Variants in TBL1X observed in about 807,000 individuals in gnomAD.
TBL1X encodes the protein F-box-like/WD repeat-containing protein TBL1X.
TBL1X carries 10 observed loss-of-function variants against 50.7 expected under a neutral mutation model. The observed-to-expected ratio is 0.20, with a 90% confidence interval of 0.12 to 0.33. The LOEUF (loss-of-function observed/expected upper bound fraction) is 0.33, where lower values mean the gene tolerates loss of function less well. Among genes scored for constraint, TBL1X ranks in the 10% least tolerant of loss-of-function variants. The pLI is 1.00. For missense variants in TBL1X, 340 were observed against 504.4 expected, an observed-to-expected ratio of 0.67 and a Z score of 3.12; for synonymous variants, 190 against 214.7, an observed-to-expected ratio of 0.88 and a Z score of 1.01.
At chrX:9,537,140 G>T (rs2082192195) in intron 2 of TBL1X, among the ~76,000 whole-genome samples, 1 of 111,231 alleles carries the variant, frequency 9.0e-6, no homozygotes. Context: ...ACAATGCATC[G>T]GGCAGGGAGG....
intron 3 of TBL1X, among the ~76,000 whole-genome samples, chrX:9,641,330 G>T (rs1345668919): frequency 4.5e-5 from 5 of 111,704 alleles, no homozygotes; most frequent in African/African-American, 1.6e-4. Flanking sequence ...TGCCCCAAAA[G>T]TTCTGTAAAA....
At chrX:9,646,918 G>A (rs962739720) in intron 3 of TBL1X, among the ~76,000 whole-genome samples, 7 of 112,029 alleles carry the variant, frequency 6.2e-5, no homozygotes, top group African/African-American at 2.3e-4. Flanking sequence ...GAACACGGCT[G>A]GCCTCTTGGC....
intron 2 of TBL1X, among the ~76,000 whole-genome samples, chrX:9,558,347 G>A (rs748458614): frequency 1.4e-4 from 16 of 110,814 alleles, no homozygotes; most frequent in Non-Finnish European, 2.6e-4. Context: ...GCGAAACCCT[G>A]CCTCTACTAA....
At chrX:9,470,468 C>T (rs1467583333) in intron 1 of TBL1X, among the ~76,000 whole-genome samples, 1 of 112,234 alleles carries the variant, frequency 8.9e-6, no homozygotes, top group African/African-American at 3.2e-5. Flanking sequence ...GTTGGTCAAG[C>T]TGGTCTCAAA....
At chrX:9,467,007 C>T (rs1221555214) in intron 1 of TBL1X, among the ~76,000 whole-genome samples, 1 of 111,977 alleles carries the variant, frequency 8.9e-6, no homozygotes, top group Non-Finnish European at 1.9e-5. Flanking sequence ...AACTCTCAGG[C>T]ATTTTGCCCC....
intron 2 of TBL1X, among the ~76,000 whole-genome samples, chrX:9,591,649 A>G (rs2082500770): frequency 9.0e-6 from 1 of 111,640 alleles, no homozygotes; most frequent in Non-Finnish European, 1.9e-5. Flanking sequence ...TACCCCTTCT[A>G]CGGAGTGTGA....
intron 2 of TBL1X, among the ~76,000 whole-genome samples, chrX:9,543,250 C>T (rs765593896): frequency 1.8e-5 from 2 of 111,363 alleles, no homozygotes; most frequent in African/African-American, 3.3e-5. Context: ...TCTGGGTGTG[C>T]GTGTGAGTGT....
chrX:9,513,305 C>T (rs951960516), intron 2 of TBL1X, among the ~76,000 whole-genome samples: 4 of 110,736 alleles, frequency 3.6e-5, no homozygotes, highest in Admixed American at 9.7e-5. Flanking sequence ...ACTCTACTGA[C>T]GAGTATAGTC....
At chrX:9,565,271 C>CAAAAAA (rs757679440) in intron 2 of TBL1X, among the ~76,000 whole-genome samples, 3,275 of 37,338 alleles carry the variant, frequency 0.088, 552 homozygotes, top group African/African-American at 0.1. Flanking sequence ...GACTCCGTCT[C>CAAAAAA]AAAAAAAAAA....
chrX:9,467,810 C>G (rs1429140975), intron 1 of TBL1X, among the ~76,000 whole-genome samples: 1 of 111,798 alleles, frequency 8.9e-6, no homozygotes, highest in East Asian at 2.8e-4. Flanking sequence ...AAAAGAAAAG[C>G]TGGATATGGG....
At chrX:9,522,614 T>A (rs1309006724) in intron 2 of TBL1X, among the ~76,000 whole-genome samples, 2 of 111,885 alleles carry the variant, frequency 1.8e-5, no homozygotes, top group African/African-American at 6.5e-5. Context: ...TGTTTCTCAT[T>A]ATGACTATGT....
intron 5 of TBL1X, among the ~76,000 whole-genome samples, chrX:9,660,967 C>T (rs933819949): frequency 1.8e-5 from 2 of 112,069 alleles, no homozygotes; most frequent in African/African-American, 6.5e-5. Context: ...GCCCCTTCTA[C>T]CATGTGGGAA....
intron 2 of TBL1X, among the ~76,000 whole-genome samples, chrX:9,598,424 T>C (rs2082536731): frequency 8.9e-6 from 1 of 111,952 alleles, no homozygotes; most frequent in African/African-American, 3.3e-5. Context: ...GCCTGACCTC[T>C]GAAACCTTGA....
At position 9,698,423 on chromosome X, in the gene TBL1X, C is replaced by T. The variant is rs184001561; in HGVS notation, c.1114+994C>T. On this transcript the variant is annotated intron_variant, in intron 12 of 17. Coordinates refer to ENST00000645353, the MANE Select transcript of TBL1X (RefSeq NM_005647.4). ...TTAGTGCAACATTAGCAAAGGGAAA[C>T]GGTGCACACGGCCAAATCCAGAGCT... is the stretch of plus-strand genomic sequence containing the variant. 6.6e-4 allele frequency among the ~76,000 whole-genome samples: 74 copies of T among 111,821 alleles called. 1 individual carries two copies. The highest frequency in any genetic ancestry group is 8.4e-4 in the East Asian group (3 of 3,563).
chrX:9,492,475 C>T (rs187378249), intron 1 of TBL1X, among the ~76,000 whole-genome samples: 1 of 112,085 alleles, frequency 8.9e-6, no homozygotes, highest in East Asian at 2.8e-4. Context: ...GCAGGACTAA[C>T]AGTTTCAGAT....
intron 2 of TBL1X, among the ~76,000 whole-genome samples, chrX:9,614,947 A>C (rs2082632069): frequency 8.9e-6 from 1 of 111,848 alleles, no homozygotes; most frequent in Non-Finnish European, 1.9e-5. Flanking sequence ...ACTGCAAGTG[A>C]TAATTCTCGT....
At chrX:9,713,421 CTTTTCTTTTTTT>C (rs1433095343) in intron 16 of TBL1X, among the ~76,000 whole-genome samples, 21 of 87,575 alleles carry the variant, frequency 2.4e-4, no homozygotes, top group African/African-American at 9.3e-4. Context: ...ATCCTTAGGA[CTTTTCTTTTTTT>C]TTTTTTTTTT....
intron 2 of TBL1X, among the ~76,000 whole-genome samples, chrX:9,551,632 C>A (rs2082271580): frequency 9.0e-6 from 1 of 111,450 alleles, no homozygotes; most frequent in Non-Finnish European, 1.9e-5. Flanking sequence ...CATATACTCC[C>A]TATGAAGAGG....
intron 1 of TBL1X, among the ~76,000 whole-genome samples, chrX:9,480,757 A>ACCCCCC (rs60470790): frequency 3.6e-4 from 17 of 46,903 alleles, no homozygotes; most frequent in Non-Finnish European, 4.7e-4. Flanking sequence ...AAATTAAGCC[A>ACCCCCC]CCCCCCCCCC....
Sources: gnomAD v4.1 joint callset for allele counts (sites outside exome capture counted in the v4.1 genomes callset) on GRCh38, gnomAD v4.1.1 for gene constraint, MANE v1.5 for transcripts, NCBI Gene and HGNC (gene_info 2026-07-23, HGNC 2026-07-21) for gene names.